The following CWF19L2 variants were observed in gnomAD, a reference collection of about 807,000 sequenced individuals.
The protein encoded by CWF19L2 is CWF19-like protein 2.
A neutral mutation model predicts 111.7 loss-of-function variants in CWF19L2; 98 were observed. The observed-to-expected ratio is 0.88, with a 90% CI of 0.75 to 1.04. CWF19L2 has a LOEUF of 1.04. Ranked by LOEUF, CWF19L2 falls within the 50% of genes least tolerant of loss-of-function variation. The probability of loss-of-function intolerance (pLI) is 0.00; values close to 1 mark genes in which losing one functional copy is unlikely to be tolerated. For missense variants in CWF19L2, 1,101 were observed against 1,051.4 expected (o/e 1.05, Z -0.65); for synonymous variants, 351 against 342.9 (o/e 1.02, Z -0.26).
intron 12 of CWF19L2, among the ~76,000 whole-genome samples, chr11:107,374,197 C>A (rs1860560215): frequency 7.6e-6 from 1 of 131,162 alleles, no homozygotes; most frequent in Non-Finnish European, 1.6e-5. Context: ...AAACACTCTG[C>A]AGGATATTAT....
rs77852882 is a variant in CWF19L2, at chr11:107,368,098, C to G, written c.1873-14362G>C. Among the ~76,000 whole-genome samples, 634 of 107,728 alleles carry G rather than the reference C, an allele frequency of 5.9e-3. 143 individuals carry two copies. Among genetic ancestry groups the G allele is most frequent in the African/African-American group, 0.026 (609 of 23,086 alleles). The allele number at this position is 107,728 out of a possible 152,430, so 70.7% of individuals were successfully genotyped here. A position where few individuals can be genotyped will look rare whatever the true frequency, so the allele number is the denominator to read the frequency against. On this transcript the variant is annotated intron_variant, in intron 12 of 17. Transcript: ENST00000282251. The stretch of plus-strand genomic sequence containing the variant: ...AAATTAGCAGAAGAAAAGAGAGATC[C>G]GGGCAGAATAAATTGAGACCCCCCC...
intron 14 of CWF19L2, among the ~76,000 whole-genome samples, chr11:107,346,453 T>C (rs1317304416): frequency 1.3e-5 from 2 of 152,122 alleles, no homozygotes; most frequent in Admixed American, 6.6e-5. Flanking sequence ...TGCTAGAAAG[T>C]TGGTTCATAC....
chr11:107,442,400 G>A (rs1278267115), intron 4 of CWF19L2, among the ~76,000 whole-genome samples: 1 of 151,924 alleles, frequency 6.6e-6, no homozygotes, highest in Non-Finnish European at 1.5e-5. Flanking sequence ...CCAAGTGATA[G>A]GCCAGGTGCA....
At chr11:107,442,027 A>T (rs1356458521) in intron 4 of CWF19L2, among the ~76,000 whole-genome samples, 1 of 152,174 alleles carries the variant, frequency 6.6e-6, no homozygotes, top group Non-Finnish European at 1.5e-5. Flanking sequence ...TTCAACTGTT[A>T]AGTATTGTTA....
intron 17 of CWF19L2, among the ~76,000 whole-genome samples, chr11:107,329,388 C>G (rs979446639): frequency 2.0e-5 from 3 of 152,256 alleles, no homozygotes; most frequent in Admixed American, 1.3e-4. Flanking sequence ...TGGGCTACGC[C>G]TTGCTTAATT....
At chr11:107,331,145 AAATAT>A (rs1859844476) in intron 16 of CWF19L2, among the ~76,000 whole-genome samples, 1 of 152,222 alleles carries the variant, frequency 6.6e-6, no homozygotes, top group East Asian at 1.9e-4. Context: ...CCACATTTTT[AAATAT>A]AATAATCATG....
At position 107,372,788 on chromosome 11, in the gene CWF19L2, A is replaced by C. The variant is rs998677364; in HGVS notation, c.1872+17286T>G. Among the ~76,000 whole-genome samples the C allele has an allele frequency of 2.3e-5, 3 of 132,344 alleles. 1 individual carries two copies. The highest frequency in any genetic ancestry group is 7.4e-5 in the Admixed American group (1 of 13,600). 86.8% of individuals were successfully genotyped at this position (132,344 alleles called of 152,430 possible). A position where few individuals can be genotyped will look rare whatever the true frequency, so the allele number is the denominator to read the frequency against. On this transcript the variant is annotated intron_variant, in intron 12 of 17. Transcript: ENST00000282251. ...GAGGAGCCAAGATGGCCAAATAGGA[A>C]CTGCTCCGGTCTACAGCTCCCAGCG...
At chr11:107,353,139 T>C (rs1177698691) in intron 13 of CWF19L2, among the ~76,000 whole-genome samples, 1 of 152,202 alleles carries the variant, frequency 6.6e-6, no homozygotes, top group Non-Finnish European at 1.5e-5. Context: ...CAATTAATTC[T>C]TTCAAATCAG....
chr11:107,402,873 G>GTATATATATATATATATATATATATA (rs145828149), intron 10 of CWF19L2, among the ~76,000 whole-genome samples: 34 of 94,420 alleles, frequency 3.6e-4, no homozygotes, highest in African/African-American at 1.2e-3. Flanking sequence ...ACTGTGGTGT[G>GTATATATATATATATATATATATATA]TATATATATA....
chr11:107,367,928 C>G (rs533595337), intron 12 of CWF19L2, among the ~76,000 whole-genome samples: 3 of 136,434 alleles, frequency 2.2e-5, no homozygotes, highest in Admixed American at 2.1e-4. Flanking sequence ...TACAGCATAC[C>G]CAAACCAGTG....
rs757896559 is a variant in CWF19L2 at position 107,353,610 on chromosome 11, T to C, written c.1999A>G (p.Ser667Gly). The C allele has an allele frequency of 7.4e-6, 12 of 1,613,716 alleles. No homozygotes were observed. Among genetic ancestry groups the C allele is most frequent in the Non-Finnish European group, 1.0e-5 (12 of 1,179,780 alleles). ...CATTTTTCCATTTGTGCAGCAAGAC[T>C]CCGATGCTCAGCAATAGCTTTTTTC... ...QRKKAIAEHR[S>G]LAAQMEKCLY... The change falls in exon 13 of 18, where the codon AGT (serine) becomes GGT (glycine). Residue 667 changes from serine (S) to glycine (G), a missense_variant. By Grantham distance (56) the Ser-to-Gly change is moderately conservative. Transcript: ENST00000282251.
chr11:107,447,390 A>C (rs2135426327), intron 3 of CWF19L2, among the ~76,000 whole-genome samples: 1 of 152,296 alleles, frequency 6.6e-6, no homozygotes, highest in East Asian at 1.9e-4. Flanking sequence ...GAGAGTCCAC[A>C]AGGTCAGGCA....
chr11:107,361,393 GC>G (rs1331090369), intron 12 of CWF19L2, among the ~76,000 whole-genome samples: 1 of 152,186 alleles, frequency 6.6e-6, no homozygotes, highest in Non-Finnish European at 1.5e-5. Flanking sequence ...GTAATCAGAT[GC>G]CTGCAGCTTT....
chr11:107,408,257 T>C (rs1230104438), intron 10 of CWF19L2, among the ~76,000 whole-genome samples: 2 of 151,998 alleles, frequency 1.3e-5, no homozygotes, highest in Admixed American at 1.3e-4. Flanking sequence ...GAGTATATGA[T>C]GTCTGAATTA....
intron 14 of CWF19L2, among the ~76,000 whole-genome samples, chr11:107,340,243 T>C (rs1338834828): frequency 3.9e-5 from 6 of 152,150 alleles, no homozygotes; most frequent in African/African-American, 1.2e-4. Context: ...TTTTATCTTG[T>C]TTTTCTCCCA....
chr11:107,397,010 T>C (rs1370039643), intron 10 of CWF19L2, among the ~76,000 whole-genome samples: 1 of 152,156 alleles, frequency 6.6e-6, no homozygotes, highest in East Asian at 1.9e-4. Flanking sequence ...AGAAAGGCCC[T>C]GGGATCTCGC....
At chr11:107,392,531 T>C (rs1024297720) in intron 11 of CWF19L2, among the ~76,000 whole-genome samples, 1 of 152,090 alleles carries the variant, frequency 6.6e-6, no homozygotes, top group African/African-American at 2.4e-5. Flanking sequence ...AAATGTACAC[T>C]AAAATTAAAA....
At chr11:107,453,495 ACCACTAAAGAG>A (rs1861807976) in intron 3 of CWF19L2, among the ~76,000 whole-genome samples, 1 of 152,024 alleles carries the variant, frequency 6.6e-6, no homozygotes, top group Non-Finnish European at 1.5e-5. Context: ...ATAGCTGGTA[ACCACTAAAGAG>A]CCCTTAGGCC....
chr11:107,357,086 A>G (rs1860249013), intron 12 of CWF19L2, among the ~76,000 whole-genome samples: 2 of 149,420 alleles, frequency 1.3e-5, no homozygotes, highest in African/African-American at 5.1e-5. Flanking sequence ...AAAAACCGAG[A>G]CTAACAGAAA....
Sources: allele counts gnomAD v4.1 joint callset (sites outside exome capture counted in the v4.1 genomes callset), GRCh38; gene constraint gnomAD v4.1.1; transcripts MANE v1.5; gene names NCBI Gene and HGNC (gene_info 2026-07-23, HGNC 2026-07-21).